Variants in SPAG6 observed in about 807,000 individuals in gnomAD.
SPAG6 encodes the protein sperm associated antigen 6.
SPAG6 carries 49 observed loss-of-function variants against 58.5 expected under a neutral mutation model. That is an observed-to-expected ratio of 0.84 (90% CI 0.67 to 1.06). The LOEUF is 1.06. Among genes scored for constraint, SPAG6 ranks in the 50% least tolerant of loss-of-function variants. The pLI is 0.00. For missense variants in SPAG6, 560 were observed against 611.3 expected, an observed-to-expected ratio of 0.92 and a Z score of 0.89; for synonymous variants, 233 against 225.6, an observed-to-expected ratio of 1.03 and a Z score of -0.29.
chr10:22,406,244 G>T (rs1441310606), intron 9 of SPAG6, among the ~76,000 whole-genome samples: 1 of 151,778 alleles, frequency 6.6e-6, no homozygotes, highest in South Asian at 2.1e-4. Context: ...TGTCAATTTT[G>T]GATCTTTCCT....
chr10:22,366,315 A>G (rs1837200849), intron 3 of SPAG6, among the ~76,000 whole-genome samples: 2 of 152,216 alleles, frequency 1.3e-5, no homozygotes, highest in African/African-American at 2.4e-5. Context: ...ACAAAAGGCC[A>G]CAGATTGTAT....
In SPAG6 at chr10:22,413,432, C is replaced by CT. The variant is rs954393580; in HGVS notation, c.1460+2257dup. ...CCTGTAGTCCCAGCTACTCAGAAGG[C>CT]TGAGGCAGGAGAATGGCGTGAACCT... On this transcript the variant is annotated intron_variant, in intron 10 of 10. Transcript: ENST00000376624. Among the ~76,000 whole-genome samples, 37 of 152,024 alleles carry CT rather than the reference C, an allele frequency of 2.4e-4. No individual in the cohort carries two copies. The Middle Eastern group carries it at 0.01, about 42-fold the overall frequency.
intron 8 of SPAG6, 36 bp from the exon 9 acceptor site, chr10:22,401,125 A>T (rs200285781): frequency 1.1e-6 from 1 of 915,004 alleles, no homozygotes. Context: ...TTCATTGATT[A>T]CTTACTTATG....
rs1184652932 is a variant in SPAG6, at chr10:22,345,578, G to A, written c.-34G>A. ...TCGCAGGCCGAGCGGCTTCCCCGCA[G>A]AGCTCGAGGAGGGCAGACGGCGGCG... On this transcript the variant is annotated 5_prime_UTR_variant, in exon 1 of 11. Coordinates refer to ENST00000376624, the MANE Select transcript of SPAG6 (RefSeq NM_012443.4). This position sits in a 1 kb window ranked among gnomAD's most constrained non-coding sequence, Gnocchi z 6.3. 1 of 1,517,678 alleles carries A rather than the reference G, an allele frequency of 6.6e-7. No individual in the cohort carries two copies. The highest frequency in any genetic ancestry group is 1.4e-5 in the African/African-American group (1 of 71,078). The allele number at this position is 1,517,678 out of a possible 1,614,324, so 94.0% of individuals were successfully genotyped here. A position where few individuals can be genotyped will look rare whatever the true frequency, so the allele number is the denominator to read the frequency against.
At chr10:22,346,005 G>C (rs1298594117) in intron 2 of SPAG6, 187 bp downstream of exon 2, 1 of 1,547,458 alleles carries the variant, frequency 6.5e-7, no homozygotes, top group East Asian at 2.5e-5. Context: ...GATGGTTGTG[G>C]GAGGTGCGCG....
chr10:22,346,430 G>GTCTTCTTCTTC (rs1836531501), intron 2 of SPAG6, among the ~76,000 whole-genome samples: 1 of 95,920 alleles, frequency 1.0e-5, no homozygotes, highest in Non-Finnish European at 2.2e-5. Flanking sequence ...AGAGAAAATG[G>GTCTTCTTCTTC]TTCTTCTTCT....
intron 10 of SPAG6, chr10:22,413,157 A>T (rs1340664229): frequency 7.1e-6 from 1 of 140,472 alleles, no homozygotes; most frequent in African/African-American, 3.2e-5. Flanking sequence ...TATTGAAGAG[A>T]AGTTTTTTTT....
At chr10:22,395,428 G>T (rs906303321) in intron 8 of SPAG6, among the ~76,000 whole-genome samples, 1 of 152,122 alleles carries the variant, frequency 6.6e-6, no homozygotes. Flanking sequence ...ATCCTAGTGG[G>T]TTTGAATTGG....
rs566393697 is a variant in SPAG6, at chr10:22,411,485, A to G, written c.1460+309A>G. On this transcript the variant is annotated intron_variant, in intron 10 of 10. Transcript: ENST00000376624. ...GTTTTTAAATTGTGAATACCTGATT[A>G]TAAAAGGCCTATAGATTCTGAGTTT... The G allele has an allele frequency of 9.2e-5, 18 of 195,656 alleles. No individual in the cohort carries two copies. In the South Asian group the frequency reaches 2.7e-3, roughly 29 times the overall value. 12.1% of individuals were successfully genotyped at this position (195,656 alleles called of 1,614,324 possible).
At chr10:22,357,297 A>G (rs181214119) in intron 2 of SPAG6, among the ~76,000 whole-genome samples, 1 of 152,262 alleles carries the variant, frequency 6.6e-6, no homozygotes, top group East Asian at 1.9e-4. Flanking sequence ...AGTGGCATAC[A>G]TCATAGCATG....
chr10:22,399,671 G>A (rs1267272542), intron 8 of SPAG6, among the ~76,000 whole-genome samples: 3 of 152,138 alleles, frequency 2.0e-5, no homozygotes, highest in Non-Finnish European at 4.4e-5. Context: ...TGAATTTCTA[G>A]TGTCATTAGA....
intron 4 of SPAG6, among the ~76,000 whole-genome samples, chr10:22,382,494 T>C (rs1243226946): frequency 6.6e-6 from 1 of 152,162 alleles, no homozygotes; most frequent in Non-Finnish European, 1.5e-5. Context: ...GGGTCTGAAT[T>C]AAGGCAGCAG....
chr10:22,389,573 A>C (rs902692736), intron 7 of SPAG6, among the ~76,000 whole-genome samples: 31 of 152,194 alleles, frequency 2.0e-4, no homozygotes, highest in African/African-American at 7.0e-4. Flanking sequence ...TATTAAGTTT[A>C]TTTGTATCTT....
At chr10:22,367,376 T>C (rs955920529) in intron 3 of SPAG6, among the ~76,000 whole-genome samples, 17 of 152,166 alleles carry the variant, frequency 1.1e-4, no homozygotes, top group African/African-American at 4.1e-4. Flanking sequence ...AAAACATCAG[T>C]ACTAATATAG....
At chr10:22,359,097 T>C (rs2132040027) in intron 2 of SPAG6, among the ~76,000 whole-genome samples, 1 of 152,354 alleles carries the variant, frequency 6.6e-6, no homozygotes, top group South Asian at 2.1e-4. Context: ...TCATGTAACC[T>C]TCCTTCTATT....
intron 2 of SPAG6, among the ~76,000 whole-genome samples, chr10:22,352,092 CG>C (rs1836742635): frequency 6.6e-6 from 1 of 151,680 alleles, no homozygotes; most frequent in African/African-American, 2.4e-5. Context: ...ATTTCGGAGG[CG>C]GAGCTTGCAG....
At chr10:22,347,565 T>A (rs1171391894) in intron 2 of SPAG6, among the ~76,000 whole-genome samples, 1 of 152,210 alleles carries the variant, frequency 6.6e-6, no homozygotes, top group Non-Finnish European at 1.5e-5. Context: ...AAATAATTGA[T>A]ATTATTTTCA....
chr10:22,368,051 A>G (rs1345127923), intron 3 of SPAG6, among the ~76,000 whole-genome samples: 5 of 152,202 alleles, frequency 3.3e-5, no homozygotes, highest in African/African-American at 1.2e-4. Flanking sequence ...TGAAAGGCCT[A>G]CCATGCTTAA....
chr10:22,405,066 A>T (rs929347708), intron 9 of SPAG6, among the ~76,000 whole-genome samples: 1 of 152,202 alleles, frequency 6.6e-6, no homozygotes, highest in African/African-American at 2.4e-5. Context: ...TAGATATACA[A>T]TCATGTCGTC....
Sources: gnomAD v4.1 joint callset for allele counts (sites outside exome capture counted in the v4.1 genomes callset) on GRCh38, gnomAD v4.1.1 for gene constraint, Gnocchi (gnomAD v3.1) non-coding constraint, MANE v1.5 for transcripts, NCBI Gene and HGNC (gene_info 2026-07-23, HGNC 2026-07-21) for gene names.